Variants in NDC80 observed in about 807,000 individuals in gnomAD.
The protein encoded by NDC80 is kinetochore protein NDC80 homolog.
NDC80 carries 69 observed loss-of-function variants against 89.3 expected under a neutral mutation model. The ratio of observed to expected loss-of-function variants is 0.77; its 90% CI spans 0.64 to 0.94. The LOEUF (loss-of-function observed/expected upper bound fraction) is 0.94. Ranked by LOEUF, NDC80 falls within the 40% of genes least tolerant of loss-of-function variation. NDC80 has a pLI of 0.00. For synonymous variants in NDC80, 243 were observed against 255.6 expected (o/e 0.95, Z 0.47); for missense variants, 593 against 739.6 (o/e 0.80, Z 2.30).
Position 2,578,093 on chromosome 18 carries a change from C to T in NDC80, c.428C>T (p.Pro143Leu). 6.2e-7 allele frequency: 1 copy of T among 1,613,982 alleles called. No individual in the cohort carries two copies. ...TTCCTGTGCCCCTCATACGAACTTC[C>T]TGACACAAAGTTTGAAGAAGAGGTT... ...YGFLCPSYELPDTKFEEEVPR... is the reference protein window; with the variant it reads ...YGFLCPSYELLDTKFEEEVPR... Residue 143 changes from proline to leucine, a missense_variant, in exon 5 of 17, where the codon CCT becomes CTT. Pro to Leu is a moderately conservative substitution (Grantham distance 98, BLOSUM62 -3). Transcript: ENST00000261597.
intron 16 of NDC80, chr18:2,614,957 C>T (rs944071659): frequency 6.6e-6 from 1 of 152,102 alleles, no homozygotes; most frequent in Non-Finnish European, 1.5e-5. Flanking sequence ...CGGACAGAGG[C>T]GGATGCTGGG....
chr18:2,608,642 C>T lies in NDC80; in HGVS notation c.1558-58C>T, dbSNP rs113731379. ...CTTTTTATAATTGTTTTAAATCCAC[C>T]TAGAGTATACAGAATGTGAATATCA... On this transcript the variant is annotated intron_variant, in intron 14 of 16. Transcript: ENST00000261597. 1.3e-3 allele frequency: 2,032 copies of T among 1,514,596 alleles called. 29 individuals carry two copies. The African/African-American group carries it at 0.025, about 18-fold the overall frequency. 93.8% of individuals were successfully genotyped at this position (1,514,596 alleles called of 1,614,324 possible).
chr18:2,611,045 ATTT>A (rs34508122), intron 16 of NDC80, among the ~76,000 whole-genome samples, 184 bp downstream of exon 16: 2 of 112,520 alleles, frequency 1.8e-5, no homozygotes, highest in Non-Finnish European at 3.5e-5. Context: ...ACACTTGAGC[ATTT>A]TTTTTTTTTT....
Position 2,590,049 on chromosome 18 carries a change from C to G in NDC80, c.902C>G (p.Ala301Gly). The G allele has an allele frequency of 6.2e-7, 1 of 1,606,444 alleles. No individual in the cohort carries two copies. Among genetic ancestry groups the G allele is most frequent in the Non-Finnish European group, 8.5e-7 (1 of 1,176,570 alleles). Residue 301 changes from alanine (A) to glycine (G), a missense_variant, in exon 10 of 17, where the codon GCT becomes GGT. By Grantham distance (60) the Ala-to-Gly change is moderately conservative. Transcript: ENST00000261597. ...CTAGAGTCGTTGAGAAAACTGAAGG[C>G]TTCCTTACAAGGAGATGTTCAAAAG... ...NRLESLRKLK[A>G]SLQGDVQKYQ...
chr18:2,572,944 A>C, intron 1 of NDC80, 33 bp from the exon 2 acceptor site: 1 of 1,552,142 alleles, frequency 6.4e-7, no homozygotes, highest in Non-Finnish European at 8.8e-7. Context: ...CTGTCTGGAA[A>C]GTTTTTTTTA....
chr18:2,610,309 A>G (rs1419316754), intron 15 of NDC80, among the ~76,000 whole-genome samples: 1 of 152,264 alleles, frequency 6.6e-6, no homozygotes, highest in Non-Finnish European at 1.5e-5. Flanking sequence ...AAGCCTTGTG[A>G]AAGTCATTTC....
chr18:2,593,043 TGTGTGTGTGTGTC>T (rs372377659), intron 10 of NDC80, among the ~76,000 whole-genome samples: 6,350 of 133,188 alleles, frequency 0.048, 201 homozygotes, highest in African/African-American at 0.058. Flanking sequence ...TGTGTGTGTG[TGTGTGTGTGTGTC>T]TTTTTTTTTT....
At chr18:2,605,304 GTGTGTGTGTGTGTGTGTGTGTGTGTA>G (rs1433579186) in intron 13 of NDC80, among the ~76,000 whole-genome samples, 1 of 146,706 alleles carries the variant, frequency 6.8e-6, no homozygotes, top group Non-Finnish European at 1.5e-5. Flanking sequence ...GTGTGTGTGT[GTGTGTGTGTGTGTGTGTGTGTGTGTA>G]TGTACACAAT....
chr18:2,588,702 G>T (rs2072613569), intron 8 of NDC80, among the ~76,000 whole-genome samples: 2 of 152,074 alleles, frequency 1.3e-5, no homozygotes, highest in African/African-American at 2.4e-5. Flanking sequence ...TTGTTCACAT[G>T]GGAAAGGGAG....
chr18:2,601,301 A>G, intron 12 of NDC80, 95 bp from the exon 13 acceptor site: 1 of 456,080 alleles, frequency 2.2e-6, no homozygotes, highest in East Asian at 3.6e-5. Context: ...TTTTTCTCCA[A>G]AAGTGACTCC....
At chr18:2,597,744 A>T (rs1359875292) in intron 11 of NDC80, among the ~76,000 whole-genome samples, 1 of 150,736 alleles carries the variant, frequency 6.6e-6, no homozygotes, top group African/African-American at 2.4e-5. Flanking sequence ...AAAAAAAAAT[A>T]AAGTTAAAGA....
chr18:2,573,035 A>G lies in NDC80; in HGVS notation c.50A>G (p.Gln17Arg). The change falls in exon 2 of 17, where the codon CAG becomes CGG. Residue 17 changes from glutamine (Q) to arginine (R), a missense_variant. By Grantham distance (43) the Gln-to-Arg change is conservative. Transcript: ENST00000261597. ...SSGGAGRLSM[Q>R]ELRSQDVNKQ... ...GGTGGTGCTGGCCGCCTCTCCATGC[A>G]GGAGTTAAGATCCCAGGATGTAAAT... The G allele has an allele frequency of 1.2e-6, 2 of 1,614,170 alleles. No individual in the cohort carries two copies. The highest frequency in any genetic ancestry group is 8.5e-7 in the Non-Finnish European group (1 of 1,180,028).
intron 7 of NDC80, among the ~76,000 whole-genome samples, chr18:2,587,491 T>C (rs765448566): frequency 3.9e-5 from 6 of 152,212 alleles, no homozygotes; most frequent in Non-Finnish European, 8.8e-5. Flanking sequence ...TAAAGATGAT[T>C]AAGTTTGTGC....
intron 10 of NDC80, chr18:2,593,764 AT>A: frequency 4.2e-6 from 1 of 237,506 alleles, no homozygotes. Context: ...AAGTAAGATG[AT>A]TTTCCTGTGG....
In NDC80 at chr18:2,612,160, C is replaced by T. The variant is rs569325193; in HGVS notation, c.1791+1299C>T. 1.5e-4 allele frequency among the ~76,000 whole-genome samples: 23 copies of T among 151,820 alleles called. No homozygotes were observed. In the South Asian group the frequency reaches 3.7e-3, roughly 25 times the overall value. ...CAATTGATGGCTTAGGTTGACAGAG[C>T]CTGTTTTTATGTGTCATTTTACATC... On this transcript the variant is annotated intron_variant, in intron 16 of 16. Transcript: ENST00000261597.
At chr18:2,577,596 C>T (rs1386092954) in intron 3 of NDC80, 150 bp from the exon 4 acceptor site, 14 of 857,976 alleles carry the variant, frequency 1.6e-5, no homozygotes, top group Non-Finnish European at 2.5e-5. Flanking sequence ...TTATTTGCTC[C>T]TTTTCTCTGC....
chr18:2,603,917 A>C (rs1475238652), intron 13 of NDC80, among the ~76,000 whole-genome samples: 1 of 152,248 alleles, frequency 6.6e-6, no homozygotes, highest in East Asian at 1.9e-4. Flanking sequence ...TAGAGCATAA[A>C]GAGACCTAAT....
chr18:2,579,163 A>G (rs943566969), intron 6 of NDC80, 134 bp downstream of exon 6: 2 of 461,294 alleles, frequency 4.3e-6, no homozygotes, highest in Admixed American at 4.4e-5. Context: ...AGCACATTTG[A>G]TTTTAAGTTT....
intron 3 of NDC80, among the ~76,000 whole-genome samples, chr18:2,576,896 C>G (rs898140998): frequency 6.6e-6 from 1 of 152,104 alleles, no homozygotes; most frequent in Non-Finnish European, 1.5e-5. Context: ...TAAGACAAAC[C>G]TGTTTCTTCC....
Sources: gnomAD v4.1 joint callset for allele counts (sites outside exome capture counted in the v4.1 genomes callset) on GRCh38, gnomAD v4.1.1 for gene constraint, MANE v1.5 for transcripts, NCBI Gene and HGNC (gene_info 2026-07-23, HGNC 2026-07-21) for gene names.